MAP4: variants seen among roughly 807,000 people sequenced by gnomAD.
MAP4 encodes microtubule-associated protein 4.
In MAP4, 76 loss-of-function variants were observed where a neutral mutation model predicts 170.2. That is an observed-to-expected ratio of 0.45 (90% CI 0.37 to 0.54). The LOEUF (loss-of-function observed/expected upper bound fraction) is 0.54, where lower values mean the gene tolerates loss of function less well. MAP4 is among the 20% of genes least tolerant of loss of function. The pLI, the probability that MAP4 is intolerant of heterozygous loss-of-function variation, is 0.00. For missense variants in MAP4, 2,506 were observed against 2,748.0 expected (o/e 0.91, Z 1.97); for synonymous variants, 909 against 994.5 (o/e 0.91, Z 1.62).
chr3:48,046,615 G>A (rs1322644738), intron 1 of MAP4, among the ~76,000 whole-genome samples: 1 of 152,104 alleles, frequency 6.6e-6, no homozygotes, highest in Non-Finnish European at 1.5e-5. Context: ...TTACTTCACA[G>A]GGTGGCTCTT....
At chr3:47,918,931 T>C in intron 5 of MAP4, 90 bp from the exon 6 acceptor site, 1 of 1,221,626 alleles carries the variant, frequency 8.2e-7, no homozygotes, top group Non-Finnish European at 1.1e-6. Flanking sequence ...TGTTTTGTTT[T>C]GTTTGTTTTT....
At chr3:47,857,150 A>G (rs1323606017) in intron 18 of MAP4, among the ~76,000 whole-genome samples, 1 of 152,204 alleles carries the variant, frequency 6.6e-6, no homozygotes, top group Non-Finnish European at 1.5e-5. Flanking sequence ...CTCAGAGTGC[A>G]CCACTTCCCC....
At position 47,911,468 on chromosome 3, in the gene MAP4, T is replaced by G; in HGVS notation, c.2953A>C (p.Asn985His). The change falls in exon 9 of 21, where the codon AAT becomes CAT. Residue 985 changes from asparagine to histidine, a missense_variant. By Grantham distance (68) the Asn-to-His change is moderately conservative (BLOSUM62 1). This residue lies in a region of MAP4 where 2,008 missense variants were observed against 2,206.0 expected (regional missense o/e 0.91). Transcript: ENST00000683076. The surrounding 1 kb of genome is among the most constrained non-coding windows in gnomAD (Gnocchi z 4.0). ...CTTTCATTATTCCCTTCTTTTAGAT[T>G]ACATTCTAATGGATTACTTGCTATC... Reference protein sequence around the residue: ...TLIASNPLECNLKEGNNESKM... With the variant: ...TLIASNPLECHLKEGNNESKM... The G allele has an allele frequency of 6.5e-7, 1 of 1,536,056 alleles. No individual in the cohort carries two copies. The highest frequency in any genetic ancestry group is 8.7e-7 in the Non-Finnish European group (1 of 1,146,868).
chr3:47,963,338 T>C (rs1161435166), intron 3 of MAP4, among the ~76,000 whole-genome samples: 1 of 152,216 alleles, frequency 6.6e-6, no homozygotes, highest in African/African-American at 2.4e-5. Flanking sequence ...ATTAACCCCT[T>C]CAACGAGGTT....
In MAP4 at chr3:47,851,089, G is replaced by C. The variant is rs1061003; in HGVS notation, c.*1845C>G. The C allele has an allele frequency of 0.39, 58,777 of 152,132 alleles. 12,731 individuals carry two copies. The highest frequency in any genetic ancestry group is 0.59 in the African/African-American group (24,566 of 41,438). 9.4% of individuals were successfully genotyped at this position (152,132 alleles called of 1,614,324 possible). A position where few individuals can be genotyped will look rare whatever the true frequency, so the allele number is the denominator to read the frequency against. On this transcript the variant is annotated 3_prime_UTR_variant, in exon 21 of 21. Transcript: ENST00000683076. The stretch of plus-strand genomic sequence containing the variant: ...TGCCCCTGAGGTGTCTCCTGACTAC[G>C]CAACCCTGTTTCCTTCCCACTTTCA...
chr3:47,883,010 C>T (rs1012981220), intron 10 of MAP4, among the ~76,000 whole-genome samples: 1 of 151,152 alleles, frequency 6.6e-6, no homozygotes, highest in African/African-American at 2.4e-5. Flanking sequence ...GGGGTTTCGT[C>T]ATGTTGCCCA....
At chr3:47,885,043 G>A (rs1289974239) in intron 10 of MAP4, among the ~76,000 whole-genome samples, 5 of 152,188 alleles carry the variant, frequency 3.3e-5, no homozygotes, top group African/African-American at 1.2e-4. Flanking sequence ...CACTGCTGGG[G>A]ATGGGTAGTG....
At chr3:47,896,922 A>G (rs1161136955) in intron 10 of MAP4, among the ~76,000 whole-genome samples, 5 of 152,190 alleles carry the variant, frequency 3.3e-5, no homozygotes, top group African/African-American at 1.2e-4. Flanking sequence ...GACAGTACAG[A>G]GTCAGAATGC....
chr3:47,888,260 G>T lies in MAP4; in HGVS notation c.5435-10737C>A, dbSNP rs374191249. Among the ~76,000 whole-genome samples, 6 of 152,274 alleles carry T rather than the reference G, an allele frequency of 3.9e-5. 1 individual carries two copies. The highest frequency in any genetic ancestry group is 1.4e-4 in the African/African-American group (6 of 41,556). On this transcript the variant is annotated intron_variant, in intron 10 of 20. Transcript: ENST00000683076. Reference sequence around the variant, plus strand: ...GGCCCAGATAAGAGAATAAAAGCAGGCTGCCCGAGCCAGCACTGGTAACCC... The same window carrying T: ...GGCCCAGATAAGAGAATAAAAGCAGTCTGCCCGAGCCAGCACTGGTAACCC...
In MAP4 at chr3:47,991,950, C is replaced by T. The variant is rs1169905425; in HGVS notation, c.223+6688G>A. Among the ~76,000 whole-genome samples, 6 of 151,232 alleles carry T rather than the reference C, an allele frequency of 4.0e-5. 1 individual carries two copies. In the South Asian group the frequency reaches 1.3e-3, roughly 32 times the overall value. On this transcript the variant is annotated intron_variant, in intron 2 of 20. Coordinates refer to ENST00000683076, the MANE Select transcript of MAP4 (RefSeq NM_001385682.1). ...CCTCCCAAAGTGCTGGGATTATAGG[C>T]GTGAACCACCGCGCCCAGTAAGACC...
At chr3:48,074,277 GGTGGGGAAC>G (rs1050459997) in intron 1 of MAP4, among the ~76,000 whole-genome samples, 1 of 136,836 alleles carries the variant, frequency 7.3e-6, no homozygotes, top group African/African-American at 2.8e-5. Context: ...CTGGACACAG[GGTGGGGAAC>G]GTCACACACT....
At chr3:47,987,387 A>G (rs1199288723) in intron 2 of MAP4, 5 of 1,532,736 alleles carry the variant, frequency 3.3e-6, no homozygotes, top group Non-Finnish European at 4.4e-6. Flanking sequence ...ACTTACCAAG[A>G]GGAAGATGAA....
In MAP4 at chr3:47,928,289, G is replaced by T. The variant is rs1260159251; in HGVS notation, c.354C>A (p.Asn118Lys). ...MAYQEYPNSQ[N>K]WPEDTNFCFQ... The stretch of plus-strand genomic sequence containing the variant: ...AACAAAAGTTGGTATCTTCTGGCCA[G>T]TTCTGGCTATTTGGGTATTCCTGGT... Residue 118 changes from asparagine (N) to lysine (K), a missense_variant, in exon 4 of 21, where the codon AAC (asparagine) becomes AAA (lysine). This residue lies in a region of MAP4 where 2,008 missense variants were observed against 2,206.0 expected (regional missense o/e 0.91). Transcript: ENST00000683076. 2 of 1,614,154 alleles carry T rather than the reference G, an allele frequency of 1.2e-6. No individual in the cohort carries two copies. Among genetic ancestry groups the T allele is most frequent in the East Asian group, 2.2e-5 (1 of 44,886 alleles).
At chr3:47,950,153 G>A (rs2100062778) in intron 3 of MAP4, among the ~76,000 whole-genome samples, 1 of 152,194 alleles carries the variant, frequency 6.6e-6, no homozygotes, top group Non-Finnish European at 1.5e-5. Flanking sequence ...CTCAGGCACA[G>A]AGGGAGTAGC....
intron 15 of MAP4, among the ~76,000 whole-genome samples, chr3:47,870,381 C>T (rs2089442418): frequency 6.6e-6 from 1 of 152,174 alleles, no homozygotes; most frequent in Non-Finnish European, 1.5e-5. Context: ...ATATATTCCA[C>T]TCAAGTCATG....
intron 17 of MAP4, among the ~76,000 whole-genome samples, chr3:47,861,441 C>T (rs1382217371): frequency 1.3e-5 from 2 of 150,934 alleles, no homozygotes; most frequent in African/African-American, 4.9e-5. Flanking sequence ...CAACCTCCGA[C>T]TGCCTGGTTC....
upstream of MAP4, among the ~76,000 whole-genome samples, chr3:48,020,946 G>A (rs1266679306): frequency 6.6e-6 from 1 of 152,180 alleles, no homozygotes; most frequent in African/African-American, 2.4e-5. Flanking sequence ...CTAGAAGCAT[G>A]TGCTACTGCA....
chr3:47,987,489 C>A, intron 2 of MAP4: 2 of 1,213,872 alleles, frequency 1.6e-6, no homozygotes, highest in Admixed American at 2.6e-5. Context: ...ACATCTAAAT[C>A]CAATCTTAAA....
At chr3:48,018,945 C>T (rs1322221678), upstream of MAP4, among the ~76,000 whole-genome samples, 1 of 152,166 alleles carries the variant, frequency 6.6e-6, no homozygotes, top group African/African-American at 2.4e-5. Flanking sequence ...CCATGCTGGT[C>T]ATCTTATCAT....
Sources: allele counts gnomAD v4.1 joint callset (sites outside exome capture counted in the v4.1 genomes callset), GRCh38; gene constraint gnomAD v4.1.1; regional missense constraint gnomAD v4.1.1; non-coding constraint Gnocchi (gnomAD v3.1); transcripts MANE v1.5; gene names NCBI Gene and HGNC (gene_info 2026-07-23, HGNC 2026-07-21).